The following RASGRF2 variants were observed in gnomAD, a reference collection of about 807,000 sequenced individuals.
RASGRF2 encodes Ras protein specific guanine nucleotide releasing factor 2, also known as ras-specific guanine nucleotide-releasing factor 2.
A neutral mutation model predicts 151.0 loss-of-function variants in RASGRF2; 76 were observed. The observed-to-expected ratio is 0.50, with a 90% CI of 0.42 to 0.61. RASGRF2 has a LOEUF of 0.61. RASGRF2 is among the 20% of genes least tolerant of loss of function. The pLI, the probability that RASGRF2 is intolerant of heterozygous loss-of-function variation, is 0.00. For synonymous variants in RASGRF2, 504 were observed against 566.5 expected (o/e 0.89, Z 1.57); for missense variants, 1,148 against 1,564.6 (o/e 0.73, Z 4.49).
chr5:81,138,632 C>T (rs574523568), intron 17 of RASGRF2, among the ~76,000 whole-genome samples: 6 of 152,228 alleles, frequency 3.9e-5, no homozygotes, highest in Admixed American at 1.3e-4. Flanking sequence ...TTCTCAAGAG[C>T]GTCTCACTGT....
chr5:81,081,021 A>T lies in RASGRF2; in HGVS notation c.1161+232A>T, dbSNP rs113940393. Among the ~76,000 whole-genome samples, 473 of 152,332 alleles carry T rather than the reference A, an allele frequency of 3.1e-3. 2 individuals are homozygous for T. The highest frequency in any genetic ancestry group is 0.011 in the African/African-American group (444 of 41,574). ...CATTTTTGAAGCAAAGAATTCAAGA[A>T]TGATTTTTTGAAACGCTGCACAATT... is the stretch of plus-strand genomic sequence containing the variant. On this transcript the variant is annotated intron_variant, in intron 7 of 26. Transcript: ENST00000265080.
chr5:81,056,063 CT>C (rs1561581332), intron 2 of RASGRF2, among the ~76,000 whole-genome samples: 1 of 152,062 alleles, frequency 6.6e-6, no homozygotes, highest in African/African-American at 2.4e-5. Flanking sequence ...TTTTGTTGAT[CT>C]TTTCAAAAAA....
intron 19 of RASGRF2, among the ~76,000 whole-genome samples, 174 bp downstream of exon 19, chr5:81,201,616 C>T (rs1237897768): frequency 1.3e-5 from 2 of 152,164 alleles, no homozygotes; most frequent in African/African-American, 4.8e-5. Context: ...TCTGCTGTCT[C>T]AGGAAGACTC....
Position 81,042,824 on chromosome 5 carries a change from C to T in RASGRF2, c.289-53C>T, listed in dbSNP as rs1013898143. ...TGTAGGCAGATACTGTGTTATTATG[C>T]TGTTGTGCTTGAAAAATAGAACTAA... On this transcript the variant is annotated intron_variant, in intron 1 of 26. Transcript: ENST00000265080. 5.6e-6 allele frequency: 7 copies of T among 1,252,756 alleles called. No homozygotes were observed. The African/African-American group carries it at 8.8e-5, about 16-fold the overall frequency. 77.6% of individuals were successfully genotyped at this position (1,252,756 alleles called of 1,614,324 possible). A position where few individuals can be genotyped will look rare whatever the true frequency, so the allele number is the denominator to read the frequency against.
chr5:81,175,055 G>T (rs1235826230), intron 17 of RASGRF2, among the ~76,000 whole-genome samples: 2 of 152,204 alleles, frequency 1.3e-5, no homozygotes, highest in African/African-American at 4.8e-5. Flanking sequence ...TTTTAGAAAT[G>T]GACAGACCTG....
At chr5:80,975,367 G>A (rs143523624) in intron 1 of RASGRF2, among the ~76,000 whole-genome samples, 243 of 151,462 alleles carry the variant, frequency 1.6e-3, no homozygotes, top group African/African-American at 5.7e-3. Flanking sequence ...TTCTTAGTGC[G>A]TGTGTCGTTG....
At chr5:81,219,922 AT>A (rs1180353707) in intron 26 of RASGRF2, 144 bp downstream of exon 26, 5 of 452,448 alleles carry the variant, frequency 1.1e-5, no homozygotes, top group Non-Finnish European at 1.9e-5. Context: ...GGCTAGTCTG[AT>A]TAAAAAAAAA....
At chr5:81,140,539 C>A (rs1753860847) in intron 17 of RASGRF2, among the ~76,000 whole-genome samples, 1 of 152,118 alleles carries the variant, frequency 6.6e-6, no homozygotes, top group African/African-American at 2.4e-5. Flanking sequence ...CACTCCTGAG[C>A]CTGCGAAGCA....
Position 81,086,853 on chromosome 5 carries a change from C to A in RASGRF2, c.1290C>A (p.Val430=). The A allele has an allele frequency of 6.2e-7, 1 of 1,613,734 alleles. No homozygotes were observed. Among genetic ancestry groups the A allele is most frequent in the South Asian group, 1.1e-5 (1 of 91,060 alleles). ...GTCACAGAGTAATGCACGATGAAGT[C>A]AGCGACACTGAAAACATAAGGAAAA... ...EELSRVMHDE[V]SDTENIRKNL... Residue 430 remains valine, a synonymous_variant, in exon 9 of 27, where the codon GTC becomes GTA. Coordinates refer to ENST00000265080, the MANE Select transcript of RASGRF2 (RefSeq NM_006909.3).
At chr5:81,161,444 A>G (rs1754381727) in intron 17 of RASGRF2, among the ~76,000 whole-genome samples, 1 of 152,202 alleles carries the variant, frequency 6.6e-6, no homozygotes, top group Admixed American at 6.5e-5. Context: ...TTTCTGAGGT[A>G]TGACCTTGAA....
intron 17 of RASGRF2, among the ~76,000 whole-genome samples, chr5:81,139,831 T>A (rs573826602): frequency 2.0e-5 from 3 of 152,132 alleles, no homozygotes; most frequent in Non-Finnish European, 4.4e-5. Context: ...AGACTTTTTT[T>A]ATTTTTTGAG....
rs905572670 is a variant in RASGRF2, at chr5:80,960,577, C to A, written c.-162C>A. 2.4e-4 allele frequency: 146 copies of A among 609,024 alleles called. No homozygotes were observed. The African/African-American group carries it at 2.7e-3, about 11-fold the overall frequency. The allele number at this position is 609,024 out of a possible 1,614,324, so 37.7% of individuals were successfully genotyped here. On this transcript the variant is annotated 5_prime_UTR_variant, in exon 1 of 27. Transcript: ENST00000265080. This position sits in a 1 kb window ranked among gnomAD's most constrained non-coding sequence, Gnocchi z 5.5. ...CGCCCCTGCCACCGCGCGCCGCGGC[C>A]TCCCGAAAGCGGGCGGGGTGCCCTG...
At chr5:81,008,479 G>A (rs746692801) in intron 1 of RASGRF2, among the ~76,000 whole-genome samples, 7 of 152,038 alleles carry the variant, frequency 4.6e-5, no homozygotes, top group Non-Finnish European at 7.4e-5. Flanking sequence ...GCTTATTTTA[G>A]CACTTTGACA....
intron 1 of RASGRF2, among the ~76,000 whole-genome samples, chr5:80,964,444 A>T (rs1322219560): frequency 2.0e-5 from 3 of 151,924 alleles, no homozygotes; most frequent in East Asian, 3.9e-4. Context: ...ATCCTCTCTT[A>T]CCTCATCTAA....
chr5:80,965,014 TG>T (rs952139854), intron 1 of RASGRF2, among the ~76,000 whole-genome samples: 4 of 152,206 alleles, frequency 2.6e-5, no homozygotes, highest in African/African-American at 9.6e-5. Context: ...TCACTTGTTT[TG>T]GGGGGTAAAA....
chr5:80,996,502 T>TTCTTCTTCTTCC (rs1561544704), intron 1 of RASGRF2, among the ~76,000 whole-genome samples: 2 of 59,068 alleles, frequency 3.4e-5, no homozygotes, highest in African/African-American at 7.1e-5. Flanking sequence ...CTTCTTCTTC[T>TTCTTCTTCTTCC]TCCTCCTCCT....
intron 1 of RASGRF2, among the ~76,000 whole-genome samples, chr5:81,040,630 AT>A (rs1327033891): frequency 1.3e-5 from 2 of 149,962 alleles, no homozygotes; most frequent in Non-Finnish European, 3.0e-5. Context: ...GGCCAAGACC[AT>A]GGGGGCCAAG....
chr5:81,147,970 A>G (rs961803582), intron 17 of RASGRF2, among the ~76,000 whole-genome samples: 2 of 152,226 alleles, frequency 1.3e-5, no homozygotes, highest in Non-Finnish European at 2.9e-5. Context: ...CACTAAGTGC[A>G]TACGGTCTCA....
In RASGRF2 at chr5:81,080,786, T is replaced by C. The variant is rs1752064649; in HGVS notation, c.1158T>C (p.Phe386=). 1 of 1,612,152 alleles carries C rather than the reference T, an allele frequency of 6.2e-7. No homozygotes were observed. The highest frequency in any genetic ancestry group is 2.2e-5 in the East Asian group (1 of 44,860). The part of the protein sequence containing the change: ...MLETFLTYPM[F]QIPRYIITLH... ...AGACATTCTTGACCTATCCCATGTTTCAGGTAAGTCACTTGGGATGCATTT... is the reference window on the plus strand; with the variant it reads ...AGACATTCTTGACCTATCCCATGTTCCAGGTAAGTCACTTGGGATGCATTT... The change falls in exon 7 of 27, where the codon TTT becomes TTC. Residue 386 remains phenylalanine (F), a synonymous_variant. Transcript: ENST00000265080.
Sources: allele counts gnomAD v4.1 joint callset (sites outside exome capture counted in the v4.1 genomes callset), GRCh38; gene constraint gnomAD v4.1.1; non-coding constraint Gnocchi (gnomAD v3.1); transcripts MANE v1.5; gene names NCBI Gene and HGNC (gene_info 2026-07-23, HGNC 2026-07-21).